ZFHX3: variants seen among roughly 807,000 people sequenced by gnomAD.
ZFHX3 encodes zinc finger homeobox protein 3.
A neutral mutation model predicts 279.1 loss-of-function variants in ZFHX3; 42 were observed. That is an observed-to-expected ratio of 0.15 (90% CI 0.12 to 0.19). ZFHX3 has a LOEUF of 0.19. ZFHX3 is among the 10% of genes least tolerant of loss of function. The pLI, the probability that ZFHX3 is intolerant of heterozygous loss-of-function variation, is 1.00. For missense variants in ZFHX3, 4,981 were observed against 4,754.0 expected, an observed-to-expected ratio of 1.05 and a Z score of -1.40; for synonymous variants, 2,293 against 1,957.8, an observed-to-expected ratio of 1.17 and a Z score of -4.52.
At chr16:73,811,610 C>A (rs1248513247) in intron 1 of ZFHX3, among the ~76,000 whole-genome samples, 3 of 151,842 alleles carry the variant, frequency 2.0e-5, no homozygotes, top group Non-Finnish European at 1.5e-5. Flanking sequence ...ACACGCCTGG[C>A]TAATTTTTGT....
At chr16:73,143,906 G>T in intron 5 of ZFHX3, 1 of 515,688 alleles carries the variant, frequency 1.9e-6, no homozygotes, top group Non-Finnish European at 3.3e-6. Flanking sequence ...AGTGGCTAAT[G>T]AATGATTCTC....
chr16:73,291,051 A>C (rs2014755899), intron 4 of ZFHX3, among the ~76,000 whole-genome samples: 1 of 152,296 alleles, frequency 6.6e-6, no homozygotes, highest in South Asian at 2.1e-4. Context: ...TAGCCAATCA[A>C]GTTGACCTCG....
At chr16:73,794,526 A>T (rs889113005) in intron 1 of ZFHX3, among the ~76,000 whole-genome samples, 1 of 152,132 alleles carries the variant, frequency 6.6e-6, no homozygotes, top group Non-Finnish European at 1.5e-5. Context: ...CTTTATTCAA[A>T]TTATTGTTGT....
At chr16:73,600,872 G>A (rs958016276) in intron 2 of ZFHX3, among the ~76,000 whole-genome samples, 1 of 152,106 alleles carries the variant, frequency 6.6e-6, no homozygotes, top group Non-Finnish European at 1.5e-5. Context: ...CCACTGCCCT[G>A]AACATGGGGA....
intron 2 of ZFHX3, among the ~76,000 whole-genome samples, chr16:73,570,462 T>A (rs1421587578): frequency 6.6e-6 from 1 of 152,184 alleles, no homozygotes; most frequent in African/African-American, 2.4e-5. Context: ...GTTTAGACCT[T>A]TATATCACAC....
intron 4 of ZFHX3, among the ~76,000 whole-genome samples, chr16:72,850,841 A>T (rs757708880): frequency 6.6e-6 from 1 of 152,136 alleles, no homozygotes; most frequent in Non-Finnish European, 1.5e-5. Flanking sequence ...TCACTACTCA[A>T]TGATGCTAGA....
chr16:73,687,618 T>TG (rs1333455510), intron 1 of ZFHX3, among the ~76,000 whole-genome samples: 1 of 151,814 alleles, frequency 6.6e-6, no homozygotes, highest in Non-Finnish European at 1.5e-5. Flanking sequence ...CCAAGGCAGG[T>TG]GGATCACGAG....
intron 7 of ZFHX3, among the ~76,000 whole-genome samples, chr16:73,117,977 C>A (rs778249079): frequency 2.2e-4 from 33 of 152,142 alleles, no homozygotes; most frequent in Non-Finnish European, 2.9e-5. Context: ...TGTTTATAAG[C>A]CATCCAGTCT....
chr16:73,231,760 T>G (rs1333917147), intron 5 of ZFHX3, among the ~76,000 whole-genome samples: 1 of 152,178 alleles, frequency 6.6e-6, no homozygotes, highest in East Asian at 1.9e-4. Flanking sequence ...TAAATTCCAT[T>G]CTTTGTCTCC....
intron 1 of ZFHX3, among the ~76,000 whole-genome samples, chr16:72,974,857 A>G (rs1440228202): frequency 6.6e-6 from 1 of 152,142 alleles, no homozygotes; most frequent in Non-Finnish European, 1.5e-5. Flanking sequence ...GCTTCCACCC[A>G]ACTTCCTATC....
intron 5 of ZFHX3, among the ~76,000 whole-genome samples, chr16:73,201,262 A>G (rs765548014): frequency 1.8e-4 from 27 of 152,218 alleles, no homozygotes; most frequent in Non-Finnish European, 3.7e-4. Context: ...GGGCTACCAC[A>G]TGCCAATAGC....
At chr16:72,946,369 T>TA (rs1960676629) in intron 3 of ZFHX3, among the ~76,000 whole-genome samples, 1 of 152,192 alleles carries the variant, frequency 6.6e-6, no homozygotes, top group Non-Finnish European at 1.5e-5. Context: ...GATTAACAGG[T>TA]AACCTTCAGT....
At chr16:73,650,044 T>TA (rs1439589823) in intron 2 of ZFHX3, among the ~76,000 whole-genome samples, 2 of 152,158 alleles carry the variant, frequency 1.3e-5, no homozygotes, top group Non-Finnish European at 2.9e-5. Context: ...AAAATAATGG[T>TA]AACCATGTCT....
At chr16:73,815,990 C>G (rs1347544434) in intron 1 of ZFHX3, 1 of 152,078 alleles carries the variant, frequency 6.6e-6, no homozygotes, top group African/African-American at 2.4e-5. Context: ...AGTGGGTGAC[C>G]CTCACTACTT....
At chr16:73,746,135 G>A (rs1467533610) in intron 1 of ZFHX3, among the ~76,000 whole-genome samples, 1 of 152,056 alleles carries the variant, frequency 6.6e-6, no homozygotes, top group East Asian at 1.9e-4. Context: ...GAGAGACAGG[G>A]AGAGCCCAAA....
Position 72,788,842 on chromosome 16 carries a change from G to A in ZFHX3, c.9434C>T (p.Thr3145Met), listed in dbSNP as rs368861672. 1.4e-5 allele frequency: 21 copies of A among 1,519,062 alleles called. No individual in the cohort carries two copies. The highest frequency in any genetic ancestry group is 1.1e-4 in the Admixed American group (5 of 44,044). The allele number at this position is 1,519,062 out of a possible 1,614,324, so 94.1% of individuals were successfully genotyped here. ...ACCCATCAAGTTCGGCTTAGGAGAC[G>A]TTAAAGCTGAAAGGAATGGAGACAG... ...PGFTPSNTALTSPKPNLMGLP... is the reference protein window; with the variant it reads ...PGFTPSNTALMSPKPNLMGLP... Residue 3145 changes from threonine to methionine, a missense_variant, in exon 10 of 10, where the codon ACG becomes ATG. Thr to Met is a moderately conservative substitution (Grantham distance 81, BLOSUM62 -1). Around this residue, in one of 7 missense-constraint regions of ZFHX3, gnomAD observed 1,034 missense variants for 786.0 expected, o/e 1.32. Transcript: ENST00000268489.
At chr16:73,459,728 A>C (rs2018439695) in intron 2 of ZFHX3, among the ~76,000 whole-genome samples, 1 of 152,042 alleles carries the variant, frequency 6.6e-6, no homozygotes, top group Non-Finnish European at 1.5e-5. Flanking sequence ...GAAAACTTAC[A>C]ATCATGGCAG....
chr16:73,258,929 A>G (rs1401083440), intron 4 of ZFHX3, among the ~76,000 whole-genome samples: 1 of 152,184 alleles, frequency 6.6e-6, no homozygotes, highest in Non-Finnish European at 1.5e-5. Context: ...GTAGTCTCAT[A>G]AATAATATAT....
chr16:72,940,742 C>T (rs2144343978), intron 3 of ZFHX3, among the ~76,000 whole-genome samples: 1 of 152,368 alleles, frequency 6.6e-6, no homozygotes, highest in Non-Finnish European at 1.5e-5. Flanking sequence ...ACTGGCTATG[C>T]TTTGGAGGCT....
Sources: allele counts gnomAD v4.1 joint callset (sites outside exome capture counted in the v4.1 genomes callset), GRCh38; gene constraint gnomAD v4.1.1; regional missense constraint gnomAD v4.1.1; transcripts MANE v1.5; gene names NCBI Gene and HGNC (gene_info 2026-07-23, HGNC 2026-07-21).